The following SCMH1 variants were observed in gnomAD, a reference collection of about 807,000 sequenced individuals.
SCMH1 encodes polycomb protein SCMH1.
In SCMH1, 37 loss-of-function variants were observed where a neutral mutation model predicts 70.8. That is an observed-to-expected ratio of 0.52 (90% CI 0.40 to 0.69). The LOEUF (loss-of-function observed/expected upper bound fraction) is 0.69. Ranked by LOEUF, SCMH1 falls within the 30% of genes least tolerant of loss-of-function variation. The pLI, the probability that SCMH1 is intolerant of heterozygous loss-of-function variation, is 0.00. For missense variants in SCMH1, 607 were observed against 827.3 expected (o/e 0.73, Z 3.27); for synonymous variants, 292 against 307.4 (o/e 0.95, Z 0.52).
At chr1:41,142,601 T>C (rs779738540) in intron 6 of SCMH1, among the ~76,000 whole-genome samples, 26 of 152,166 alleles carry the variant, frequency 1.7e-4, no homozygotes, top group Non-Finnish European at 3.5e-4. Context: ...CCTCCTTCCA[T>C]TCTCTCTCTC....
At chr1:41,231,518 T>C (rs567805497) in intron 1 of SCMH1, among the ~76,000 whole-genome samples, 5 of 152,338 alleles carry the variant, frequency 3.3e-5, no homozygotes, top group South Asian at 2.1e-4. Context: ...TTTGTTACAA[T>C]TCATGAACCA....
chr1:41,113,597 A>G lies in SCMH1; in HGVS notation c.502-71T>C. ...CATTATGCCAATAGACTACTATCTA[A>G]TTTGGATGATTAAAAAGTGACTGCT... On this transcript the variant is annotated intron_variant, in intron 7 of 14. Coordinates refer to ENST00000337495, the Ensembl canonical transcript of SCMH1. The surrounding 1 kb of genome is among the most constrained non-coding windows in gnomAD (Gnocchi z 4.3). 6.6e-7 allele frequency: 1 copy of G among 1,510,322 alleles called. No individual in the cohort carries two copies. Among genetic ancestry groups the G allele is most frequent in the East Asian group, 2.3e-5 (1 of 43,658 alleles). The allele number at this position is 1,510,322 out of a possible 1,614,324, so 93.6% of individuals were successfully genotyped here.
intron 8 of SCMH1, among the ~76,000 whole-genome samples, chr1:41,101,628 T>A (rs1557439703): frequency 1.3e-5 from 2 of 152,190 alleles, no homozygotes; most frequent in African/African-American, 4.8e-5. Flanking sequence ...GTTGCCTTCC[T>A]TGAAGTGATC....
chr1:41,201,765 G>A (rs750247012), intron 1 of SCMH1, among the ~76,000 whole-genome samples: 12 of 152,044 alleles, frequency 7.9e-5, no homozygotes, highest in Non-Finnish European at 1.6e-4. Context: ...AAAGGTAATA[G>A]GTATTTGGCT....
At position 41,240,449 on chromosome 1, in the gene SCMH1, T is replaced by C. The variant is rs567210457; in HGVS notation, c.-118+1610A>G. Among the ~76,000 whole-genome samples the C allele has an allele frequency of 9.8e-5, 15 of 152,296 alleles. No homozygotes were observed. In the South Asian group the frequency reaches 2.5e-3, roughly 25 times the overall value. On this transcript the variant is annotated intron_variant, in intron 1 of 14. Transcript: ENST00000337495. ...TTCATAGTAATTTTGGGCCTCCTGCTGGCAGTTAGAACTAGAGCAAAGAGT... is the reference window on the plus strand; with the variant it reads ...TTCATAGTAATTTTGGGCCTCCTGCCGGCAGTTAGAACTAGAGCAAAGAGT...
At chr1:41,180,785 T>C (rs191152681) in intron 2 of SCMH1, among the ~76,000 whole-genome samples, 2 of 152,232 alleles carry the variant, frequency 1.3e-5, no homozygotes, top group African/African-American at 2.4e-5. Flanking sequence ...AGGTAATTTA[T>C]AGATTCAATG....
chr1:41,121,584 T>A (rs1282898155), intron 6 of SCMH1, among the ~76,000 whole-genome samples: 2 of 152,180 alleles, frequency 1.3e-5, no homozygotes, highest in African/African-American at 4.8e-5. Flanking sequence ...AGCACCTCAG[T>A]GCTCAGTCAT....
rs1035328397 is a variant in SCMH1, at chr1:41,101,098, GA to G, written c.745+12184del. ...ACTATACAATCTCAAAAATAGCGGGGAAAAAAAGACCTAGGGAAACAAGAGT... is the reference window on the plus strand; with the variant it reads ...ACTATACAATCTCAAAAATAGCGGGGAAAAAAGACCTAGGGAAACAAGAGT... On this transcript the variant is annotated intron_variant, in intron 8 of 14. Coordinates refer to ENST00000337495, the Ensembl canonical transcript of SCMH1. Among the ~76,000 whole-genome samples, 97 of 151,826 alleles carry G rather than the reference GA, an allele frequency of 6.4e-4. 1 individual carries two copies. Among genetic ancestry groups the G allele is most frequent in the African/African-American group, 2.2e-3 (92 of 41,440 alleles).
chr1:41,128,692 T>C (rs905201924), intron 6 of SCMH1, among the ~76,000 whole-genome samples: 8 of 152,300 alleles, frequency 5.3e-5, no homozygotes, highest in Non-Finnish European at 8.8e-5. Flanking sequence ...TGTGAAGTTA[T>C]AGTTTTCATA....
At chr1:41,148,993 G>A (rs182037539) in intron 5 of SCMH1, among the ~76,000 whole-genome samples, 83 of 152,084 alleles carry the variant, frequency 5.5e-4, no homozygotes, top group Non-Finnish European at 9.6e-4. Context: ...GGGTTTCACC[G>A]TGTTAGCCAG....
rs555879736 is a variant in SCMH1, at chr1:41,093,651, T to C, written c.746-18200A>G. On this transcript the variant is annotated intron_variant, in intron 8 of 14. Transcript: ENST00000337495. ...AATTTTTAATCCATGCCTGATTTTG[T>C]AATATCATGCATTGGTCATTTGTAA... Among the ~76,000 whole-genome samples the C allele has an allele frequency of 1.5e-3, 224 of 152,366 alleles. 2 individuals carry two copies. Among genetic ancestry groups the C allele is most frequent in the African/African-American group, 5.2e-3 (217 of 41,598 alleles).
chr1:41,143,091 C>T (rs1485572039), exon 6 of SCMH1: 4 of 1,613,908 alleles, frequency 2.5e-6, no homozygotes, highest in Non-Finnish European at 8.5e-7. Context: ...ATCTTGAACT[C>T]GTTGCTTGGA....
chr1:41,238,889 C>T (rs1461936234), intron 1 of SCMH1, among the ~76,000 whole-genome samples: 6 of 152,174 alleles, frequency 3.9e-5, no homozygotes, highest in African/African-American at 1.4e-4. Flanking sequence ...AACTCATCAT[C>T]GTTTCCTGTC....
At chr1:41,056,473 A>C (rs1367686927) in intron 10 of SCMH1, among the ~76,000 whole-genome samples, 1 of 151,146 alleles carries the variant, frequency 6.6e-6, no homozygotes, top group Non-Finnish European at 1.5e-5. Context: ...TTTTTACTAG[A>C]TCCATTAAAT....
chr1:41,065,222 C>T (rs566139116), intron 10 of SCMH1, among the ~76,000 whole-genome samples: 5 of 152,244 alleles, frequency 3.3e-5, no homozygotes, highest in Middle Eastern at 3.4e-3. Context: ...GTGGCTCACA[C>T]CTGTAATCCC....
At chr1:41,143,703 A>T (rs561535098) in intron 5 of SCMH1, among the ~76,000 whole-genome samples, 24 of 152,188 alleles carry the variant, frequency 1.6e-4, no homozygotes, top group Non-Finnish European at 3.1e-4. Flanking sequence ...GAACATGGCC[A>T]TTATCCTCAA....
At chr1:41,092,416 A>C (rs1157034124) in intron 8 of SCMH1, among the ~76,000 whole-genome samples, 1 of 152,242 alleles carries the variant, frequency 6.6e-6, no homozygotes, top group Non-Finnish European at 1.5e-5. Context: ...AAACCATAAA[A>C]ATCCTAGGAG....
At chr1:41,240,579 A>G (rs1303054258) in intron 1 of SCMH1, among the ~76,000 whole-genome samples, 3 of 151,988 alleles carry the variant, frequency 2.0e-5, no homozygotes, top group Non-Finnish European at 4.4e-5. Context: ...AAAAAGAGCT[A>G]TTCTATTTGC....
At chr1:41,191,603 G>T (rs1651724854) in intron 1 of SCMH1, among the ~76,000 whole-genome samples, 1 of 152,090 alleles carries the variant, frequency 6.6e-6, no homozygotes, top group African/African-American at 2.4e-5. Flanking sequence ...AAGAAATGTT[G>T]AAAGTCATTT....
Sources: gnomAD v4.1 joint callset for allele counts (sites outside exome capture counted in the v4.1 genomes callset) on GRCh38, gnomAD v4.1.1 for gene constraint, Gnocchi (gnomAD v3.1) non-coding constraint, MANE v1.5 for transcripts, NCBI Gene and HGNC (gene_info 2026-07-23, HGNC 2026-07-21) for gene names.